NDEL1: variants seen among roughly 807,000 people sequenced by gnomAD.
NDEL1 encodes the protein nudE neurodevelopment protein 1 like 1.
NDEL1 carries 9 observed loss-of-function variants against 45.7 expected under a neutral mutation model. That is an observed-to-expected ratio of 0.20 (90% CI 0.12 to 0.34). The LOEUF is 0.34. Ranked by LOEUF, NDEL1 falls within the 10% of genes least tolerant of loss-of-function variation. The pLI, the probability that NDEL1 is intolerant of heterozygous loss-of-function variation, is 1.00. For missense variants in NDEL1, 306 were observed against 406.2 expected (o/e 0.75, Z 2.12); for synonymous variants, 133 against 158.6 (o/e 0.84, Z 1.21).
At chr17:8,430,391 T>TTA (rs1304265838) in intron 1 of NDEL1, among the ~76,000 whole-genome samples, 13 of 152,216 alleles carry the variant, frequency 8.5e-5, no homozygotes, top group African/African-American at 3.1e-4. Flanking sequence ...ATGCCCCATC[T>TTA]CGTCAGAATT....
At chr17:8,457,754 C>T (rs536870920) in intron 7 of NDEL1, among the ~76,000 whole-genome samples, 17 of 152,252 alleles carry the variant, frequency 1.1e-4, no homozygotes, top group African/African-American at 3.4e-4. Context: ...AATTCCTGTC[C>T]GTGGCTAATT....
chr17:8,418,608 TA>T (rs1402519827), intron 1 of NDEL1, among the ~76,000 whole-genome samples: 1 of 152,158 alleles, frequency 6.6e-6, no homozygotes, highest in East Asian at 1.9e-4. Flanking sequence ...GCCAGCTCTA[TA>T]AAAAAGTTTA....
rs139831176 is a variant in NDEL1 at position 8,460,084 on chromosome 17, A to T, written c.868A>T (p.Asn290Tyr). The T allele has an allele frequency of 2.0e-4, 323 of 1,614,046 alleles. 1 individual carries two copies. The highest frequency in any genetic ancestry group is 2.6e-4 in the Non-Finnish European group (304 of 1,180,036). Reference sequence around the variant, plus strand: ...ATCACGAAAATCCTATATTTCAGGGAATGTTAACTGTGGGGTGCTGAATGG... The same window carrying T: ...ATCACGAAAATCCTATATTTCAGGGTATGTTAACTGTGGGGTGCTGAATGG... ...QASRKSYISG[N>Y]VNCGVLNGNG... The change falls in exon 8 of 9, where the codon AAT (asparagine) becomes TAT (tyrosine). Residue 290 changes from asparagine (N) to tyrosine (Y), a missense_variant. Transcript: ENST00000334527.
intron 7 of NDEL1, among the ~76,000 whole-genome samples, chr17:8,457,237 T>C (rs1470034232): frequency 2.0e-5 from 3 of 152,224 alleles, no homozygotes; most frequent in Admixed American, 6.5e-5. Flanking sequence ...CTTTGTGGGA[T>C]GCCCTGATGG....
In NDEL1 at chr17:8,450,912, C is replaced by T; in HGVS notation, c.659C>T (p.Pro220Leu). 6.2e-7 allele frequency: 1 copy of T among 1,612,206 alleles called. No individual in the cohort carries two copies. The highest frequency in any genetic ancestry group is 2.2e-5 in the East Asian group (1 of 44,718). The change falls in exon 6 of 9, where the codon CCT becomes CTT. Residue 220 changes from proline to leucine, a missense_variant. Physicochemically the swap from Pro to Leu is moderately conservative, Grantham distance 98 (BLOSUM62 -3). Transcript: ENST00000334527. ...GCATCACTTTCTTTGCCAGCTACCC[C>T]TGTTGGCAAAGGAACGGAGAACACT... is the stretch of plus-strand genomic sequence containing the variant. ...VQASLSLPAT[P>L]VGKGTENTFP...
downstream of NDEL1, among the ~76,000 whole-genome samples, chr17:8,472,224 C>T (rs971479626): frequency 6.6e-6 from 1 of 152,214 alleles, no homozygotes; most frequent in Non-Finnish European, 1.5e-5. Context: ...CTGGCTAGAA[C>T]AGCTTGGCCT....
At chr17:8,471,254 G>A (rs1361150222), downstream of NDEL1, among the ~76,000 whole-genome samples, 15 of 152,200 alleles carry the variant, frequency 9.9e-5, no homozygotes, top group Admixed American at 9.8e-4. Context: ...AGGTTCAAGC[G>A]ATTCTCCTGC....
At chr17:8,466,860 T>A in intron 8 of NDEL1, 70 bp from the exon 9 acceptor site, 1 of 1,409,156 alleles carries the variant, frequency 7.1e-7, no homozygotes, top group Non-Finnish European at 1.0e-6. Context: ...TTTCCTATTG[T>A]GTGTGAGTGA....
intron 1 of NDEL1, among the ~76,000 whole-genome samples, chr17:8,416,197 C>T (rs1412275524): frequency 6.6e-6 from 1 of 152,188 alleles, no homozygotes; most frequent in Non-Finnish European, 1.5e-5. Flanking sequence ...ATTTTCCCCT[C>T]CCTCCCAGGC....
chr17:8,436,675 C>CT (rs1201004938), intron 1 of NDEL1: 3 of 152,244 alleles, frequency 2.0e-5, no homozygotes, highest in East Asian at 3.8e-4. Context: ...TGAGATGACC[C>CT]TTTAAGTTTT....
intron 8 of NDEL1, among the ~76,000 whole-genome samples, chr17:8,460,656 TA>T (rs1217551689): frequency 6.6e-6 from 1 of 152,166 alleles, no homozygotes; most frequent in African/African-American, 2.4e-5. Flanking sequence ...AAGATTGAAA[TA>T]AAATTGTTTT....
intron 6 of NDEL1, among the ~76,000 whole-genome samples, chr17:8,452,448 A>G (rs995160629): frequency 6.6e-6 from 1 of 152,154 alleles, no homozygotes; most frequent in African/African-American, 2.4e-5. Flanking sequence ...CTATGGCAGT[A>G]ATATTTGCTT....
downstream of NDEL1, among the ~76,000 whole-genome samples, chr17:8,470,797 ACGAGCGGCGGGGCCGGCACAG>A (rs1911815409): frequency 6.6e-6 from 1 of 152,214 alleles, no homozygotes. This position sits in a 1 kb window ranked among gnomAD's most constrained non-coding sequence, Gnocchi z 4.2. Flanking sequence ...CTTGGAAATG[ACGAGCGGCGGGGCCGGCACAG>A]CCTTTGTAGC....
chr17:8,436,940 C>G (rs1909388735), intron 1 of NDEL1, among the ~76,000 whole-genome samples: 1 of 152,164 alleles, frequency 6.6e-6, no homozygotes, highest in Admixed American at 6.5e-5. Flanking sequence ...GTTCTGGTTT[C>G]TTTTCGTGGG....
chr17:8,456,838 C>G (rs1910878648), intron 7 of NDEL1, among the ~76,000 whole-genome samples: 1 of 152,132 alleles, frequency 6.6e-6, no homozygotes, highest in South Asian at 2.1e-4. Context: ...CTCTCCCTTT[C>G]TTCCCCACCA....
At chr17:8,435,687 G>C (rs1909245223), upstream of NDEL1, among the ~76,000 whole-genome samples, 1 of 152,372 alleles carries the variant, frequency 6.6e-6, no homozygotes, top group South Asian at 2.1e-4. Context: ...AAACCAGCCG[G>C]TCGCAGAGTC....
At chr17:8,430,441 G>C (rs1454810196) in intron 1 of NDEL1, among the ~76,000 whole-genome samples, 1 of 152,198 alleles carries the variant, frequency 6.6e-6, no homozygotes, top group African/African-American at 2.4e-5. Flanking sequence ...CACCTTCTGT[G>C]AGTGTGTGAT....
At chr17:8,446,439 C>T (rs1910082802) in intron 3 of NDEL1, among the ~76,000 whole-genome samples, 1 of 152,122 alleles carries the variant, frequency 6.6e-6, no homozygotes, top group Non-Finnish European at 1.5e-5. Context: ...TCTGTGCTTA[C>T]CCTGGGCCGC....
intron 7 of NDEL1, among the ~76,000 whole-genome samples, chr17:8,457,927 T>TA (rs1910947420): frequency 6.6e-6 from 1 of 152,252 alleles, no homozygotes; most frequent in South Asian, 2.1e-4. Context: ...ATTTCTGTAT[T>TA]ACATGTTATC....
Sources: gnomAD v4.1 joint callset for allele counts (sites outside exome capture counted in the v4.1 genomes callset) on GRCh38, gnomAD v4.1.1 for gene constraint, Gnocchi (gnomAD v3.1) non-coding constraint, MANE v1.5 for transcripts, NCBI Gene and HGNC (gene_info 2026-07-23, HGNC 2026-07-21) for gene names.